The following DUS2 variants were observed in gnomAD, a reference collection of about 807,000 sequenced individuals.
DUS2 encodes the protein tRNA-dihydrouridine(20) synthase [NAD(P)+]-like.
A neutral mutation model predicts 71.3 loss-of-function variants in DUS2; 52 were observed. The ratio of observed to expected loss-of-function variants is 0.73; its 90% confidence interval spans 0.58 to 0.92. DUS2 has a LOEUF of 0.92. DUS2 is among the 40% of genes least tolerant of loss of function. The pLI is 0.00. For missense variants in DUS2, 558 were observed against 622.6 expected, an observed-to-expected ratio of 0.90 and a Z score of 1.10; for synonymous variants, 204 against 227.8, an observed-to-expected ratio of 0.90 and a Z score of 0.94.
intron 8 of DUS2, among the ~76,000 whole-genome samples, chr16:68,062,277 C>T (rs1352143527): frequency 1.3e-5 from 2 of 151,942 alleles, no homozygotes; most frequent in African/African-American, 4.8e-5. Flanking sequence ...TCCCAAAGTG[C>T]TGGGATTACA....
At chr16:68,066,784 T>C in intron 10 of DUS2, 148 bp downstream of exon 10, 1 of 783,326 alleles carries the variant, frequency 1.3e-6, no homozygotes, top group South Asian at 1.6e-5. Flanking sequence ...ATCTTATGAG[T>C]CTGGAGGGCA....
intron 8 of DUS2, among the ~76,000 whole-genome samples, 165 bp from the exon 9 acceptor site, chr16:68,066,152 T>C (rs1180206140): frequency 6.6e-6 from 1 of 152,214 alleles, no homozygotes; most frequent in Admixed American, 6.5e-5. Flanking sequence ...CCTTGCCTCA[T>C]GGAGCTTATG....
At chr16:68,036,964 T>A (rs2033539421) in intron 2 of DUS2, among the ~76,000 whole-genome samples, 1 of 152,070 alleles carries the variant, frequency 6.6e-6, no homozygotes, top group Non-Finnish European at 1.5e-5. Flanking sequence ...TTGCAACCCA[T>A]CCCCAGCACT....
At chr16:68,035,896 A>T (rs1416222971) in intron 2 of DUS2, among the ~76,000 whole-genome samples, 8 of 11,828 alleles carry the variant, frequency 6.8e-4, no homozygotes, top group African/African-American at 1.0e-3. Flanking sequence ...ATATATATAT[A>T]TATATATATA....
At chr16:68,029,153 C>T (rs1183268570) in intron 2 of DUS2, among the ~76,000 whole-genome samples, 2 of 151,038 alleles carry the variant, frequency 1.3e-5, no homozygotes, top group Non-Finnish European at 3.0e-5. Context: ...TGCAGTGAGC[C>T]ATGATTGTGC....
At chr16:68,038,261 G>C in intron 3 of DUS2, 112 bp downstream of exon 3, 1 of 1,445,538 alleles carries the variant, frequency 6.9e-7, no homozygotes, top group African/African-American at 1.4e-5. Flanking sequence ...TGACTTTATA[G>C]GTGTTCACCA....
intron 6 of DUS2, among the ~76,000 whole-genome samples, chr16:68,055,762 C>T (rs911428606): frequency 1.3e-5 from 2 of 151,248 alleles, no homozygotes; most frequent in Non-Finnish European, 2.9e-5. Flanking sequence ...GTTATTGCTG[C>T]TGATCACGGA....
chr16:68,060,997 A>G (rs2033932021), intron 7 of DUS2, 69 bp from the exon 8 acceptor site: 5 of 1,508,202 alleles, frequency 3.3e-6, no homozygotes, highest in Non-Finnish European at 2.8e-6. Flanking sequence ...CAGTTGCCAG[A>G]CCCCATCCCA....
intron 2 of DUS2, among the ~76,000 whole-genome samples, chr16:68,032,580 T>G (rs1486260628): frequency 1.3e-5 from 2 of 152,194 alleles, no homozygotes. Flanking sequence ...GACCTTAGCA[T>G]GGGCATGCAT....
chr16:68,076,579 G>A, intron 14 of DUS2, 53 bp from the exon 15 acceptor site: 2 of 1,395,126 alleles, frequency 1.4e-6, no homozygotes, highest in Non-Finnish European at 2.0e-6. Context: ...CCCTGGCTGA[G>A]GGAGGGAGCG....
intron 3 of DUS2, among the ~76,000 whole-genome samples, chr16:68,044,907 C>T (rs993119720): frequency 1.3e-5 from 2 of 152,200 alleles, no homozygotes; most frequent in Admixed American, 6.5e-5. Flanking sequence ...ATTCTCCTGC[C>T]TCAGCCTCGC....
At chr16:68,072,927 T>C (rs2034107665) in intron 12 of DUS2, among the ~76,000 whole-genome samples, 1 of 152,234 alleles carries the variant, frequency 6.6e-6, no homozygotes. Context: ...GTGAACTAAA[T>C]GATGCTGTGT....
chr16:68,052,484 G>T (rs915195752), intron 4 of DUS2, among the ~76,000 whole-genome samples: 1 of 152,106 alleles, frequency 6.6e-6, no homozygotes, highest in Non-Finnish European at 1.5e-5. Flanking sequence ...TTGCAAATAT[G>T]CAACTATGAA....
chr16:68,064,547 T>C (rs1025954809), intron 8 of DUS2, among the ~76,000 whole-genome samples: 1 of 152,236 alleles, frequency 6.6e-6, no homozygotes, highest in Non-Finnish European at 1.5e-5. Flanking sequence ...AAGTGAGCAC[T>C]TGTAATGGAA....
intron 3 of DUS2, among the ~76,000 whole-genome samples, chr16:68,045,567 C>T (rs1043880726): frequency 1.2e-4 from 18 of 150,804 alleles, no homozygotes; most frequent in African/African-American, 7.3e-5. Context: ...GCCGAGATCA[C>T]GCCACTGCAC....
chr16:68,051,592 A>AT (rs1351736015), intron 4 of DUS2, among the ~76,000 whole-genome samples: 3 of 151,744 alleles, frequency 2.0e-5, no homozygotes, highest in Non-Finnish European at 2.9e-5. Flanking sequence ...GGGTCTTGCT[A>AT]TGTTCCCCAG....
At chr16:68,070,513 C>T (rs2034069142) in intron 11 of DUS2, among the ~76,000 whole-genome samples, 1 of 152,134 alleles carries the variant, frequency 6.6e-6, no homozygotes, top group Non-Finnish European at 1.5e-5. Flanking sequence ...AACTGGGCCT[C>T]CTTCCTTCCT....
In DUS2 at chr16:68,075,513, C is replaced by T. The variant is rs1356828034; in HGVS notation, c.1082+9C>T. ...GCTGTCAAGTTTGACCGGTAGGTCT[C>T]CAGCTTGGCCTCAGCTTGGGCTAGG... On this transcript the variant is annotated intron_variant, in intron 14 of 16. Coordinates refer to ENST00000565263, the MANE Select transcript of DUS2 (RefSeq NM_017803.5). 8 of 1,608,452 alleles carry T rather than the reference C, an allele frequency of 5.0e-6. No homozygotes were observed. Among genetic ancestry groups the T allele is most frequent in the South Asian group, 4.5e-5 (4 of 89,818 alleles).
In DUS2 at chr16:68,078,795, C is replaced by T; in HGVS notation, c.1291C>T (p.Leu431=). The T allele has an allele frequency of 6.2e-7, 1 of 1,612,666 alleles. No individual in the cohort carries two copies. Among genetic ancestry groups the T allele is most frequent in the South Asian group, 1.1e-5 (1 of 91,050 alleles). Residue 431 remains leucine, a synonymous_variant, in exon 17 of 17, where the codon CTG becomes TTG. Coordinates refer to ENST00000565263, the MANE Select transcript of DUS2 (RefSeq NM_017803.5). The part of the protein sequence containing the change: ...LAEQAAAIVC[L]RSQGLPEGRL... The stretch of plus-strand genomic sequence containing the variant: ...GGAGCAGGCTGCAGCCATCGTCTGT[C>T]TGCGGAGCCAGGGCCTCCCTGAGGG...
Sources: allele counts gnomAD v4.1 joint callset (sites outside exome capture counted in the v4.1 genomes callset), GRCh38; gene constraint gnomAD v4.1.1; transcripts MANE v1.5; gene names NCBI Gene and HGNC (gene_info 2026-07-23, HGNC 2026-07-21).